The following LRP1B variants were observed in gnomAD, a reference collection of about 807,000 sequenced individuals.
LRP1B encodes the protein LDL receptor related protein 1B.
A neutral mutation model predicts 556.6 loss-of-function variants in LRP1B; 217 were observed. That is an observed-to-expected ratio of 0.39 (90% CI 0.35 to 0.44). LRP1B has a LOEUF of 0.44. LRP1B is among the 20% of genes least tolerant of loss of function. LRP1B has a pLI of 1.00. For missense variants in LRP1B, 5,053 were observed against 5,620.8 expected (o/e 0.90, Z 3.23); for synonymous variants, 2,047 against 1,865.8 (o/e 1.10, Z -2.50).
intron 35 of LRP1B, among the ~76,000 whole-genome samples, chr2:140,751,118 G>A (rs951691750): frequency 2.1e-5 from 3 of 145,224 alleles, no homozygotes; most frequent in South Asian, 4.4e-4. Flanking sequence ...TCAGCCTCCC[G>A]AGTAGCTGGG....
intron 2 of LRP1B, among the ~76,000 whole-genome samples, chr2:141,600,469 AG>A (rs1483813511): frequency 2.6e-5 from 4 of 152,066 alleles, no homozygotes; most frequent in African/African-American, 7.2e-5. Flanking sequence ...TGGGAAGAGG[AG>A]GGGATGGTGA....
chr2:142,099,244 C>A (rs1269744720), intron 1 of LRP1B, among the ~76,000 whole-genome samples: 1 of 151,816 alleles, frequency 6.6e-6, no homozygotes, highest in East Asian at 1.9e-4. Context: ...TGAGATATTT[C>A]AATATACATT....
Position 140,886,304 on chromosome 2 carries a change from A to G in LRP1B, c.3798T>C (p.Ile1266=), listed in dbSNP as rs2105192729. Residue 1266 remains isoleucine, a synonymous_variant, in exon 24 of 91, where the codon ATT becomes ATC. Coordinates refer to ENST00000389484, the MANE Select transcript of LRP1B (RefSeq NM_018557.3). Reference sequence around the variant, plus strand: ...GATCAATCCTTCTGATCTCATGACGAATAGAAAAGATGATGAATGCTTCAA... The same window carrying G: ...GATCAATCCTTCTGATCTCATGACGGATAGAAAAGATGATGAATGCTTCAA... ...DPFEAFIIFS[I]RHEIRRIDLH... 6.2e-7 allele frequency: 1 copy of G among 1,601,668 alleles called. No homozygotes were observed. The highest frequency in any genetic ancestry group is 1.1e-5 in the South Asian group (1 of 88,622).
At chr2:140,661,515 A>T (rs911970614) in intron 41 of LRP1B, among the ~76,000 whole-genome samples, 1 of 151,792 alleles carries the variant, frequency 6.6e-6, no homozygotes, top group Non-Finnish European at 1.5e-5. Flanking sequence ...AAAAAAAAAA[A>T]AAAAAACGCA....
chr2:141,855,765 G>C (rs12691623), intron 1 of LRP1B, among the ~76,000 whole-genome samples: 54,621 of 151,862 alleles, frequency 0.36, 10,148 homozygotes, highest in Middle Eastern at 0.48. Context: ...ATCCAAACAA[G>C]TGAAGTCTGG....
Position 141,544,337 on chromosome 2 carries a change from C to CTTCTTCTTCTTCTTCTTCTT in LRP1B, c.206-63824_206-63805dup, listed in dbSNP as rs1559131163. ...TCTTCTTCTTCTTCTTCTTCTTCTT[C>CTTCTTCTTCTTCTTCTTCTT]TTCTTCTTCTTCTTCTTCTTCTTCT... On this transcript the variant is annotated intron_variant, in intron 2 of 90. Transcript: ENST00000389484. Among the ~76,000 whole-genome samples, 49 of 67,228 alleles carry CTTCTTCTTCTTCTTCTTCTT rather than the reference C, an allele frequency of 7.3e-4. 2 individuals carry two copies. Among genetic ancestry groups the CTTCTTCTTCTTCTTCTTCTT allele is most frequent in the African/African-American group, 2.2e-3 (38 of 17,490 alleles). 44.1% of individuals were successfully genotyped at this position (67,228 alleles called of 152,430 possible).
intron 11 of LRP1B, among the ~76,000 whole-genome samples, chr2:141,032,650 T>C (rs1442391657): frequency 6.6e-6 from 1 of 151,904 alleles, no homozygotes; most frequent in African/African-American, 2.4e-5. Flanking sequence ...ATAAGTCCTT[T>C]TTAATTTTTC....
chr2:140,388,858 T>C (rs752825429), intron 66 of LRP1B, among the ~76,000 whole-genome samples: 1 of 152,104 alleles, frequency 6.6e-6, no homozygotes. Context: ...CCATATCAAA[T>C]CAATAAAATC....
At chr2:140,675,896 A>G (rs778828983) in intron 41 of LRP1B, among the ~76,000 whole-genome samples, 4 of 152,200 alleles carry the variant, frequency 2.6e-5, no homozygotes, top group Non-Finnish European at 4.4e-5. Flanking sequence ...ATGAGGCCGT[A>G]TTCTGCTCTC....
At chr2:140,527,128 T>C (rs763520937) in intron 47 of LRP1B, among the ~76,000 whole-genome samples, 3 of 152,010 alleles carry the variant, frequency 2.0e-5, no homozygotes, top group Non-Finnish European at 4.4e-5. Context: ...TATGCTATTG[T>C]CATTATATAC....
chr2:140,913,185 GT>G (rs886223491), intron 21 of LRP1B, among the ~76,000 whole-genome samples: 16 of 151,960 alleles, frequency 1.1e-4, no homozygotes, highest in African/African-American at 3.9e-4. Context: ...CTCTAACAGT[GT>G]TTGGTTTCAA....
At chr2:140,471,825 C>A (rs901898625) in intron 60 of LRP1B, among the ~76,000 whole-genome samples, 1 of 152,162 alleles carries the variant, frequency 6.6e-6, no homozygotes, top group African/African-American at 2.4e-5. Flanking sequence ...CCCCAATTTG[C>A]CCTTGTTCAT....
intron 7 of LRP1B, among the ~76,000 whole-genome samples, chr2:141,066,935 C>T (rs1342803509): frequency 6.6e-6 from 1 of 151,906 alleles, no homozygotes; most frequent in Non-Finnish European, 1.5e-5. Flanking sequence ...TGTTTAGGGT[C>T]TGGCAAACCC....
intron 41 of LRP1B, among the ~76,000 whole-genome samples, chr2:140,662,509 T>C (rs981497859): frequency 6.6e-6 from 1 of 151,988 alleles, no homozygotes; most frequent in South Asian, 2.1e-4. Flanking sequence ...GATGAAAAAA[T>C]TTTAAATGTA....
chr2:141,407,124 G>C (rs1241844322), intron 3 of LRP1B, among the ~76,000 whole-genome samples: 1 of 76,748 alleles, frequency 1.3e-5, no homozygotes, highest in Non-Finnish European at 2.5e-5. Context: ...TTTTTGGGCT[G>C]TCAATAAATA....
chr2:140,328,020 CTTTTCCTGTTA>C (rs1680585885), intron 79 of LRP1B, among the ~76,000 whole-genome samples: 1 of 151,954 alleles, frequency 6.6e-6, no homozygotes, highest in African/African-American at 2.4e-5. Flanking sequence ...AATCAACTAA[CTTTTCCTGTTA>C]CAGAGATGAG....
Position 140,662,175 on chromosome 2 carries a change from A to G in LRP1B, c.6799+38075T>C, listed in dbSNP as rs1339084222. On this transcript the variant is annotated intron_variant, in intron 41 of 90. Coordinates refer to ENST00000389484, the MANE Select transcript of LRP1B (RefSeq NM_018557.3). ...ATCCATTATATATTACTACATATAT[A>G]TATCCGCTATATATATACTATTAAA... Among the ~76,000 whole-genome samples the G allele has an allele frequency of 6.6e-5, 10 of 151,924 alleles. No homozygotes were observed. In the East Asian group the frequency reaches 1.9e-3, roughly 29 times the overall value.
chr2:141,645,850 T>C (rs1483926468), intron 2 of LRP1B, among the ~76,000 whole-genome samples: 1 of 152,078 alleles, frequency 6.6e-6, no homozygotes, highest in Non-Finnish European at 1.5e-5. Flanking sequence ...CACATCCATA[T>C]AAATAAATAA....
intron 25 of LRP1B, among the ~76,000 whole-genome samples, chr2:140,882,265 T>C (rs1461670245): frequency 6.6e-6 from 1 of 152,124 alleles, no homozygotes; most frequent in African/African-American, 2.4e-5. Flanking sequence ...GTGGGAAGTG[T>C]AGGGTCAGTA....
Sources: gnomAD v4.1 joint callset for allele counts (sites outside exome capture counted in the v4.1 genomes callset) on GRCh38, gnomAD v4.1.1 for gene constraint, MANE v1.5 for transcripts, NCBI Gene and HGNC (gene_info 2026-07-23, HGNC 2026-07-21) for gene names.